The following SORCS2 variants were observed in gnomAD, a reference collection of about 807,000 sequenced individuals.
SORCS2 encodes VPS10 domain-containing receptor SorCS2.
Under a neutral mutation model 141.6 loss-of-function variants are expected in SORCS2, and 100 were observed. That is an observed-to-expected ratio of 0.71 (90% CI 0.60 to 0.83). The LOEUF (loss-of-function observed/expected upper bound fraction) is 0.83, where lower values mean the gene tolerates loss of function less well. SORCS2 is among the 40% of genes least tolerant of loss of function. The pLI is 0.00. For missense variants in SORCS2, 1,646 were observed against 1,560.2 expected, an observed-to-expected ratio of 1.05 and a Z score of -0.93; for synonymous variants, 789 against 676.9, an observed-to-expected ratio of 1.17 and a Z score of -2.57.
intron 3 of SORCS2, among the ~76,000 whole-genome samples, chr4:7,583,031 G>A (rs1185568690): frequency 6.6e-6 from 1 of 152,014 alleles, no homozygotes; most frequent in Non-Finnish European, 1.5e-5. Flanking sequence ...GAAGAAAATT[G>A]GGTCAGCATT....
intron 1 of SORCS2, among the ~76,000 whole-genome samples, chr4:7,211,976 A>T (rs1017314965): frequency 2.6e-5 from 4 of 152,210 alleles, no homozygotes; most frequent in African/African-American, 9.6e-5. Context: ...TAATTCTATC[A>T]GGAATGTTCC....
chr4:7,463,222 A>G (rs1363139612), intron 2 of SORCS2, among the ~76,000 whole-genome samples: 1 of 152,146 alleles, frequency 6.6e-6, no homozygotes, highest in East Asian at 1.9e-4. Context: ...CGGGATTAAG[A>G]GGGGGCACTG....
At chr4:7,621,790 C>G (rs1719211204) in intron 3 of SORCS2, among the ~76,000 whole-genome samples, 1 of 152,248 alleles carries the variant, frequency 6.6e-6, no homozygotes, top group African/African-American at 2.4e-5. Context: ...TCGGCTCTGT[C>G]TGAGACAGGC....
intron 3 of SORCS2, among the ~76,000 whole-genome samples, chr4:7,580,309 C>T (rs1474863437): frequency 6.6e-6 from 1 of 152,012 alleles, no homozygotes; most frequent in African/African-American, 2.4e-5. Context: ...TGGTGAAACC[C>T]CATCTCTACT....
At chr4:7,542,258 T>C (rs1712738326) in intron 3 of SORCS2, among the ~76,000 whole-genome samples, 4 of 152,256 alleles carry the variant, frequency 2.6e-5, no homozygotes, top group African/African-American at 4.8e-5. Context: ...TGCAGTGCTT[T>C]GGGCTGAATT....
chr4:7,703,503 A>C, intron 13 of SORCS2, 132 bp downstream of exon 13: 3 of 692,476 alleles, frequency 4.3e-6, no homozygotes, highest in Non-Finnish European at 7.1e-6. Context: ...AACTGCACTA[A>C]ATCCTAAAGA....
At chr4:7,543,500 C>G (rs1305873603) in intron 3 of SORCS2, among the ~76,000 whole-genome samples, 3 of 148,470 alleles carry the variant, frequency 2.0e-5, no homozygotes, top group African/African-American at 7.5e-5. Context: ...TCCATCCATC[C>G]ATCCATCCAT....
intron 1 of SORCS2, among the ~76,000 whole-genome samples, chr4:7,306,058 G>A (rs1717804187): frequency 6.6e-6 from 1 of 152,220 alleles, no homozygotes; most frequent in Non-Finnish European, 1.5e-5. Context: ...ACACTCTTGG[G>A]CTTGCTGTGA....
chr4:7,195,883 G>C (rs1443363306), intron 1 of SORCS2, among the ~76,000 whole-genome samples: 1 of 152,214 alleles, frequency 6.6e-6, no homozygotes, highest in South Asian at 2.1e-4. Context: ...TCCTCAACTT[G>C]CTTGCCGCCC....
chr4:7,279,973 T>G (rs1247131061), intron 1 of SORCS2, among the ~76,000 whole-genome samples: 1 of 147,232 alleles, frequency 6.8e-6, no homozygotes. Context: ...GACCTTAAAC[T>G]TCAGACCTCA....
intron 3 of SORCS2, among the ~76,000 whole-genome samples, chr4:7,637,812 G>T (rs1720368718): frequency 6.6e-6 from 1 of 152,172 alleles, no homozygotes. Context: ...CCCCTCCCTG[G>T]TGTAAGGAGA....
intron 1 of SORCS2, among the ~76,000 whole-genome samples, chr4:7,258,211 C>T (rs1390354380): frequency 6.6e-6 from 1 of 152,162 alleles, no homozygotes. Flanking sequence ...AGGTTTGTTA[C>T]GTAGGTACAC....
At chr4:7,340,832 C>T (rs1720328912) in intron 1 of SORCS2, among the ~76,000 whole-genome samples, 1 of 152,362 alleles carries the variant, frequency 6.6e-6, no homozygotes, top group African/African-American at 2.4e-5. Flanking sequence ...ATAAGACGCA[C>T]AAGCCAAACT....
intron 1 of SORCS2, among the ~76,000 whole-genome samples, chr4:7,374,595 C>T (rs1479053703): frequency 6.6e-6 from 1 of 152,212 alleles, no homozygotes; most frequent in East Asian, 1.9e-4. Flanking sequence ...TTTGTCTGTG[C>T]CACGTCCAGG....
intron 2 of SORCS2, among the ~76,000 whole-genome samples, chr4:7,517,046 G>A (rs1306050764): frequency 2.6e-5 from 4 of 152,168 alleles, no homozygotes; most frequent in South Asian, 4.1e-4. Flanking sequence ...CATACCCAGC[G>A]CTTGGAAGTC....
rs777090653 is a variant in SORCS2 at position 7,718,016 on chromosome 4, C to T, written c.2257C>T (p.Arg753Trp). 9.4e-6 allele frequency: 15 copies of T among 1,601,352 alleles called. No homozygotes were observed. Among genetic ancestry groups the T allele is most frequent in the Admixed American group, 6.8e-5 (4 of 58,584 alleles). The change falls in exon 18 of 27, where the codon CGG (arginine) becomes TGG (tryptophan). Residue 753 changes from arginine to tryptophan, a missense_variant. Coordinates refer to ENST00000507866, the MANE Select transcript of SORCS2 (RefSeq NM_020777.3). ...GQTYTSSLGYRKVVSNVCEGG... is the reference protein window; with the variant it reads ...GQTYTSSLGYWKVVSNVCEGG... ...GACCCTCTCTTGTCAATCCAGGTAC[C>T]GGAAAGTGGTGTCCAACGTGTGTGA...
chr4:7,227,342 T>C (rs901926435), intron 1 of SORCS2, among the ~76,000 whole-genome samples: 1 of 152,218 alleles, frequency 6.6e-6, no homozygotes, highest in African/African-American at 2.4e-5. Flanking sequence ...TCCCCTTTCC[T>C]GTGCTCTGGC....
chr4:7,352,281 G>A lies in SORCS2; in HGVS notation c.481-44007G>A, dbSNP rs1008390733. Among the ~76,000 whole-genome samples the A allele has an allele frequency of 3.3e-5, 5 of 152,198 alleles. No individual in the cohort carries two copies. In the South Asian group the frequency reaches 6.2e-4, roughly 19 times the overall value. ...AGTGCTAAGAACTGAGGTGCCTGGCGTATTGTAGGTTTCCAACACATTCAA... is the reference window on the plus strand; with the variant it reads ...AGTGCTAAGAACTGAGGTGCCTGGCATATTGTAGGTTTCCAACACATTCAA... On this transcript the variant is annotated intron_variant, in intron 1 of 26. Coordinates refer to ENST00000507866, the MANE Select transcript of SORCS2 (RefSeq NM_020777.3).
intron 1 of SORCS2, among the ~76,000 whole-genome samples, chr4:7,353,898 C>CATCAG (rs1721098960): frequency 1.3e-5 from 2 of 152,282 alleles, no homozygotes; most frequent in South Asian, 4.1e-4. Context: ...ATAATGGTTT[C>CATCAG]ATCAGATAAA....
Sources: gnomAD v4.1 joint callset for allele counts (sites outside exome capture counted in the v4.1 genomes callset) on GRCh38, gnomAD v4.1.1 for gene constraint, MANE v1.5 for transcripts, NCBI Gene and HGNC (gene_info 2026-07-23, HGNC 2026-07-21) for gene names.